Variants in PRDM16 observed in about 807,000 individuals in gnomAD.
PRDM16 encodes the protein PR/SET domain 16.
A neutral mutation model predicts 110.6 loss-of-function variants in PRDM16; 23 were observed. The observed-to-expected ratio is 0.21, with a 90% confidence interval of 0.15 to 0.29. PRDM16 has a LOEUF of 0.29. Among genes scored for constraint, PRDM16 ranks in the 10% least tolerant of loss-of-function variants. PRDM16 has a pLI of 1.00. For missense variants in PRDM16, 1,615 were observed against 1,794.3 expected (o/e 0.90, Z 1.81); for synonymous variants, 799 against 781.8 (o/e 1.02, Z -0.37).
intron 2 of PRDM16, among the ~76,000 whole-genome samples, chr1:3,232,476 T>G (rs1265108464): frequency 6.6e-6 from 1 of 152,246 alleles, no homozygotes; most frequent in Non-Finnish European, 1.5e-5. Flanking sequence ...ATTGTTATTT[T>G]ATTTCAATCA....
rs369972213 is a variant in PRDM16 at position 3,402,915 on chromosome 1, G to T, written c.801G>T (p.Glu267Asp). The T allele has an allele frequency of 3.7e-6, 6 of 1,612,990 alleles. No individual in the cohort carries two copies. The highest frequency in any genetic ancestry group is 2.2e-5 in the South Asian group (2 of 91,088). Residue 267 changes from glutamate (E) to aspartate (D), a missense_variant, in exon 6 of 17, where the codon GAG becomes GAT. By Grantham distance (45) the Glu-to-Asp change is conservative. This residue lies in a region of PRDM16 where 416 missense variants were observed against 467.1 expected (regional missense o/e 0.89). Coordinates refer to ENST00000270722, the MANE Select transcript of PRDM16 (RefSeq NM_022114.4). ...CGCTCTACGAGGGCCTGGCTGAGGAGCTCAAGCCCGAGGGCCTTGGCGGTG... is the reference window on the plus strand; with the variant it reads ...CGCTCTACGAGGGCCTGGCTGAGGATCTCAAGCCCGAGGGCCTTGGCGGTG... ...GAALYEGLAE[E>D]LKPEGLGGGS...
rs915458600 is a variant in PRDM16, at chr1:3,359,753, A to G, written c.439-25399A>G. ...TGCCTGAGGGGAACGCACTGGGTTG[A>G]TCCCTCAGCGGCAGCCAGAAGGCAA... On this transcript the variant is annotated intron_variant, in intron 3 of 16. Coordinates refer to ENST00000270722, the MANE Select transcript of PRDM16 (RefSeq NM_022114.4). The surrounding 1 kb of genome is among the most constrained non-coding windows in gnomAD (Gnocchi z 4.3). 1.3e-5 allele frequency among the ~76,000 whole-genome samples: 2 copies of G among 152,136 alleles called. No individual in the cohort carries two copies. The highest frequency in any genetic ancestry group is 2.9e-5 in the Non-Finnish European group (2 of 68,026).
chr1:3,273,368 C>G (rs1448615681), intron 3 of PRDM16, among the ~76,000 whole-genome samples: 1 of 152,184 alleles, frequency 6.6e-6, no homozygotes, highest in African/African-American at 2.4e-5. Context: ...CTCTTATGAT[C>G]CTACCCATGG....
At chr1:3,277,717 GCACA>G (rs139643837) in intron 3 of PRDM16, among the ~76,000 whole-genome samples, 31 of 151,556 alleles carry the variant, frequency 2.0e-4, no homozygotes, top group African/African-American at 6.1e-4. Context: ...TCACCCACAT[GCACA>G]CACACACGCG....
intron 4 of PRDM16, among the ~76,000 whole-genome samples, chr1:3,392,136 C>T (rs1049680631): frequency 6.6e-6 from 1 of 152,258 alleles, no homozygotes; most frequent in Non-Finnish European, 1.5e-5. Flanking sequence ...AGGTGAGAGG[C>T]AGACCGGGTC....
intron 1 of PRDM16, among the ~76,000 whole-genome samples, chr1:3,139,136 G>A (rs572285654): frequency 3.9e-5 from 6 of 151,980 alleles, no homozygotes; most frequent in African/African-American, 9.7e-5. Flanking sequence ...ACACGTGGAC[G>A]AGTTTTCAGG....
intron 3 of PRDM16, among the ~76,000 whole-genome samples, chr1:3,365,026 GCAC>G (rs1642785165): frequency 6.6e-6 from 1 of 152,210 alleles, no homozygotes; most frequent in South Asian, 2.1e-4. Flanking sequence ...GGAAGGGAAG[GCAC>G]CAGGGTCCCC....
chr1:3,196,976 G>A (rs931515044), intron 2 of PRDM16, among the ~76,000 whole-genome samples: 4 of 152,310 alleles, frequency 2.6e-5, no homozygotes, highest in Non-Finnish European at 4.4e-5. Flanking sequence ...TGCCCAGGGG[G>A]GTCTGTGCAG....
chr1:3,418,051 A>G, intron 11 of PRDM16, 54 bp downstream of exon 11: 1 of 1,475,850 alleles, frequency 6.8e-7, no homozygotes, highest in South Asian at 1.2e-5. Context: ...CGAGTGCCAC[A>G]CCTGTGGCTG....
intron 8 of PRDM16, among the ~76,000 whole-genome samples, chr1:3,409,992 TGTG>T (rs1468037680): frequency 1.7e-5 from 1 of 59,778 alleles, no homozygotes; most frequent in South Asian, 6.5e-4. Context: ...CATGGGGGGG[TGTG>T]GGGGGTGTGC....
At chr1:3,351,585 TCC>T (rs1557626898) in intron 3 of PRDM16, among the ~76,000 whole-genome samples, 3 of 8,026 alleles carry the variant, frequency 3.7e-4, no homozygotes, top group African/African-American at 7.2e-4. Context: ...CTTCTCTCCC[TCC>T]CTCTCTCTTC....
intron 5 of PRDM16, among the ~76,000 whole-genome samples, chr1:3,398,270 A>G (rs369327704): frequency 1.3e-5 from 2 of 152,252 alleles, no homozygotes; most frequent in East Asian, 3.9e-4. Context: ...AGCCCCTGAT[A>G]TTAAATAACC....
rs1426762971 is a variant in PRDM16 at position 3,213,919 on chromosome 1, C to T, written c.387+27445C>T. Among the ~76,000 whole-genome samples, 1 of 152,074 alleles carries T rather than the reference C, an allele frequency of 6.6e-6. No individual in the cohort carries two copies. The highest frequency in any genetic ancestry group is 1.9e-4 in the East Asian group (1 of 5,178). ...TGCCTGGTACATTAACTCAGAAGCA[C>T]GCGGGTGACAGGGTGTGGCCAGTGC... is the stretch of plus-strand genomic sequence containing the variant. On this transcript the variant is annotated intron_variant, in intron 2 of 16. Coordinates refer to ENST00000270722, the MANE Select transcript of PRDM16 (RefSeq NM_022114.4). This position sits in a 1 kb window ranked among gnomAD's most constrained non-coding sequence, Gnocchi z 5.3.
intron 3 of PRDM16, among the ~76,000 whole-genome samples, chr1:3,310,648 G>C (rs1275138955): frequency 6.6e-6 from 1 of 152,200 alleles, no homozygotes; most frequent in Non-Finnish European, 1.5e-5. Flanking sequence ...CTCAACCAGG[G>C]CCTCCTCTGG....
At chr1:3,352,826 G>A (rs144488306) in intron 3 of PRDM16, among the ~76,000 whole-genome samples, 5 of 151,958 alleles carry the variant, frequency 3.3e-5, no homozygotes, top group African/African-American at 7.2e-5. Context: ...TTTCAGGGCC[G>A]CCTCCAAGGC....
chr1:3,146,790 G>C (rs542382366), intron 1 of PRDM16, among the ~76,000 whole-genome samples: 3 of 147,222 alleles, frequency 2.0e-5, no homozygotes, highest in African/African-American at 7.5e-5. Flanking sequence ...TGTGTGCTCG[G>C]TGTGGGGTGT....
chr1:3,412,889 A>C, intron 9 of PRDM16, 89 bp downstream of exon 9: 1 of 1,120,132 alleles, frequency 8.9e-7, no homozygotes, highest in Non-Finnish European at 1.2e-6. Flanking sequence ...GTCTCTTTCA[A>C]GCTCCTCCAA....
intron 3 of PRDM16, among the ~76,000 whole-genome samples, chr1:3,380,175 G>A (rs112875497): frequency 0.069 from 10,443 of 150,308 alleles, 1,209 homozygotes; most frequent in African/African-American, 0.24. Flanking sequence ...CCTTCTCAGC[G>A]CACTCATTGC....
chr1:3,291,068 C>A (rs1433857710), intron 3 of PRDM16, among the ~76,000 whole-genome samples: 1 of 151,984 alleles, frequency 6.6e-6, no homozygotes, highest in South Asian at 2.1e-4. Context: ...GCAGCACCGG[C>A]CCCACCCGCT....
Sources: allele counts gnomAD v4.1 joint callset (sites outside exome capture counted in the v4.1 genomes callset), GRCh38; gene constraint gnomAD v4.1.1; regional missense constraint gnomAD v4.1.1; non-coding constraint Gnocchi (gnomAD v3.1); transcripts MANE v1.5; gene names NCBI Gene and HGNC (gene_info 2026-07-23, HGNC 2026-07-21).